The following CELF2 variants were observed in gnomAD, a reference collection of about 807,000 sequenced individuals.
The protein encoded by CELF2 is CUGBP Elav-like family member 2, also known as CUG triplet repeat RNA-binding protein 2.
A neutral mutation model predicts 62.6 loss-of-function variants in CELF2; 8 were observed. The ratio of observed to expected loss-of-function variants is 0.13; its 90% CI spans 0.07 to 0.23. The LOEUF is 0.23. CELF2 is among the 10% of genes least tolerant of loss of function. The pLI is 1.00. For synonymous variants in CELF2, 258 were observed against 250.0 expected, an observed-to-expected ratio of 1.03 and a Z score of -0.30; for missense variants, 333 against 671.0, an observed-to-expected ratio of 0.50 and a Z score of 5.56.
chr10:10,600,760 A>T, the CELF2 span, among the ~76,000 whole-genome samples: 1 of 152,246 alleles, frequency 6.6e-6, no homozygotes, highest in African/African-American at 2.4e-5. Context: ...GTCAAGCTCA[A>T]TACATAAATT....
At position 11,336,530 on chromosome 10, in the gene CELF2, A is replaced by C. The variant is rs1360834379; in HGVS notation, c.*7477A>C. The C allele has an allele frequency of 6.5e-6, 1 of 152,676 alleles. No homozygotes were observed. Among genetic ancestry groups the C allele is most frequent in the East Asian group, 1.9e-4 (1 of 5,200 alleles). 9.5% of individuals were successfully genotyped at this position (152,676 alleles called of 1,614,324 possible). A position where few individuals can be genotyped will look rare whatever the true frequency, so the allele number is the denominator to read the frequency against. ...CTTAAGAAAGGACTCTGTTGTGTGT[A>C]AAGTTAATGTGATTATTTTTCAAAG... is the stretch of plus-strand genomic sequence containing the variant. On this transcript the variant is annotated 3_prime_UTR_variant, in exon 13 of 13. Coordinates refer to ENST00000633077, the MANE Select transcript of CELF2 (RefSeq NM_001326342.2). The surrounding 1 kb of genome is among the most constrained non-coding windows in gnomAD (Gnocchi z 5.4).
In CELF2 at chr10:10,916,060, CAG is replaced by C. The variant is rs143862814; in HGVS notation, c.54-3901_54-3900del. Among the ~76,000 whole-genome samples, 853 of 152,336 alleles carry C rather than the reference CAG, an allele frequency of 5.6e-3. 1 individual carries two copies. Among genetic ancestry groups the C allele is most frequent in the Non-Finnish European group, 7.1e-3 (483 of 68,024 alleles). ...TTAAATCACCTCAGGTGGGTTATGA[CAG>C]AGCATAATCTAGAAGCATGGGATAT... On this transcript the variant is annotated intron_variant, in intron 1 of 13. Coordinates refer to the CELF2 transcript ENST00000636488.
intron 1 of CELF2, among the ~76,000 whole-genome samples, chr10:11,115,236 A>G (rs951259401): frequency 6.6e-6 from 1 of 152,228 alleles, no homozygotes. Context: ...ACACTGATTC[A>G]AATGTAGTCA....
chr10:10,865,087 AAT>A (rs1491485772), intron 1 of CELF2, among the ~76,000 whole-genome samples: 1 of 152,104 alleles, frequency 6.6e-6, no homozygotes, highest in Non-Finnish European at 1.5e-5. Context: ...AAATGAGGAA[AAT>A]TTTTTTTCCT....
At chr10:10,796,856 C>A (rs1182501348), upstream of CELF2, 1 of 982,794 alleles carries the variant, frequency 1.0e-6, no homozygotes, top group Non-Finnish European at 1.2e-6. Context: ...GATAACACAG[C>A]CCAGGAAGAA....
chr10:11,099,881 C>CAAAA (rs1554835241), intron 1 of CELF2, among the ~76,000 whole-genome samples: 5 of 133,764 alleles, frequency 3.7e-5, no homozygotes, highest in African/African-American at 1.1e-4. Context: ...ACAACAACAA[C>CAAAA]AACAAAAAAA....
At chr10:10,916,223 G>A (rs2064306332) in intron 1 of CELF2, among the ~76,000 whole-genome samples, 1 of 152,196 alleles carries the variant, frequency 6.6e-6, no homozygotes, top group Non-Finnish European at 1.5e-5. Flanking sequence ...AAGCTCCAGT[G>A]TTTGTCGATT....
rs2047839579 is a variant in CELF2, at chr10:10,947,614, T to C, written c.89+27615T>C. On this transcript the variant is annotated intron_variant, in intron 2 of 13. Transcript: ENST00000636488. This position sits in a 1 kb window ranked among gnomAD's most constrained non-coding sequence, Gnocchi z 4.1. ...CTATTGCCTCGGTGTCCTCAGTGCC[T>C]AGAACAATGCCTGGCTTTCAAGTTT... 6.6e-6 allele frequency: 1 copy of C among 152,624 alleles called. No individual in the cohort carries two copies. Among genetic ancestry groups the C allele is most frequent in the Admixed American group, 6.5e-5 (1 of 15,274 alleles). 9.5% of individuals were successfully genotyped at this position (152,624 alleles called of 1,614,324 possible).
intron 1 of CELF2, among the ~76,000 whole-genome samples, chr10:11,136,728 G>C (rs972581472): frequency 6.6e-6 from 1 of 152,216 alleles, no homozygotes; most frequent in African/African-American, 2.4e-5. Context: ...GCTGTCACTA[G>C]CTCTTCACCG....
the CELF2 span, among the ~76,000 whole-genome samples, chr10:10,503,202 A>G: frequency 6.6e-6 from 1 of 151,922 alleles, no homozygotes; most frequent in Non-Finnish European, 1.5e-5. Context: ...ATATTCTGCT[A>G]TTGCTGAGTG....
chr10:10,468,907 T>C, the CELF2 span, among the ~76,000 whole-genome samples: 6 of 152,096 alleles, frequency 3.9e-5, no homozygotes, highest in African/African-American at 4.8e-5. Flanking sequence ...CATGTTGCTC[T>C]AGTAGGGGCT....
chr10:10,887,537 C>A (rs1469987503), intron 1 of CELF2, among the ~76,000 whole-genome samples: 2 of 152,196 alleles, frequency 1.3e-5, no homozygotes, highest in East Asian at 1.9e-4. Flanking sequence ...AAAACAAATA[C>A]TAATAGTACC....
intron 2 of CELF2, among the ~76,000 whole-genome samples, chr10:10,920,867 A>G (rs925793263): frequency 6.6e-6 from 1 of 152,160 alleles, no homozygotes; most frequent in Admixed American, 6.5e-5. Flanking sequence ...GGAAGGGGCA[A>G]TAATTTAAGA....
At chr10:10,819,400 C>G (rs555326556) in intron 1 of CELF2, among the ~76,000 whole-genome samples, 1 of 152,182 alleles carries the variant, frequency 6.6e-6, no homozygotes, top group African/African-American at 2.4e-5. Context: ...AGCCAGAAAC[C>G]ACGAATTTTA....
At chr10:10,872,731 A>C (rs973143894) in intron 1 of CELF2, among the ~76,000 whole-genome samples, 1 of 152,036 alleles carries the variant, frequency 6.6e-6, no homozygotes, top group South Asian at 2.1e-4. Context: ...TTATGGAAAA[A>C]TTTTTTTTGC....
chr10:10,583,912 A>C, the CELF2 span, among the ~76,000 whole-genome samples: 1 of 152,172 alleles, frequency 6.6e-6, no homozygotes, highest in African/African-American at 2.4e-5. Flanking sequence ...CTGTTAGAGT[A>C]TGTAGTCCAA....
chr10:10,555,110 G>C, the CELF2 span, among the ~76,000 whole-genome samples: 1 of 152,116 alleles, frequency 6.6e-6, no homozygotes, highest in Non-Finnish European at 1.5e-5. Flanking sequence ...CCAAGGGAAA[G>C]CCATAGGGTG....
intron 2 of CELF2, among the ~76,000 whole-genome samples, chr10:11,204,087 C>T (rs2059882698): frequency 6.6e-6 from 1 of 152,202 alleles, no homozygotes; most frequent in African/African-American, 2.4e-5. Flanking sequence ...ACATTATCCC[C>T]TCCGCTTTCA....
chr10:10,467,095 T>C, the CELF2 span, among the ~76,000 whole-genome samples: 1 of 152,022 alleles, frequency 6.6e-6, no homozygotes, highest in Non-Finnish European at 1.5e-5. Flanking sequence ...AATATACCAA[T>C]ATACCACTTA....
Sources: allele counts gnomAD v4.1 joint callset (sites outside exome capture counted in the v4.1 genomes callset), GRCh38; gene constraint gnomAD v4.1.1; non-coding constraint Gnocchi (gnomAD v3.1); transcripts MANE v1.5; gene names NCBI Gene and HGNC (gene_info 2026-07-23, HGNC 2026-07-21).